ANKFN1: variants seen among roughly 807,000 people sequenced by gnomAD.
ANKFN1 encodes the protein ankyrin repeat and fibronectin type-III domain-containing protein 1.
Under a neutral mutation model 108.7 loss-of-function variants are expected in ANKFN1, and 74 were observed. The observed-to-expected ratio is 0.68, with a 90% CI of 0.56 to 0.83. ANKFN1 has a LOEUF of 0.83. Among genes scored for constraint, ANKFN1 ranks in the 40% least tolerant of loss-of-function variants. ANKFN1 has a pLI of 0.00. For missense variants in ANKFN1, 1,505 were observed against 1,382.3 expected (o/e 1.09, Z -1.41); for synonymous variants, 547 against 516.2 (o/e 1.06, Z -0.81).
intron 1 of ANKFN1, chr17:56,184,944 G>T (rs1329842929): frequency 2.6e-5 from 4 of 152,212 alleles, no homozygotes; most frequent in African/African-American, 9.7e-5. Context: ...CTGCACATGA[G>T]CTAACAGAAG....
At chr17:56,124,857 T>C (rs1906830600) in intron 4 of ANKFN1, among the ~76,000 whole-genome samples, 1 of 152,236 alleles carries the variant, frequency 6.6e-6, no homozygotes, top group South Asian at 2.1e-4. Context: ...CATGCTGTCC[T>C]TGGTTCTCTT....
At chr17:56,504,212 G>A (rs1392596271) in intron 20 of ANKFN1, among the ~76,000 whole-genome samples, 1 of 152,188 alleles carries the variant, frequency 6.6e-6, no homozygotes, top group Non-Finnish European at 1.5e-5. Flanking sequence ...TCCCAAGTGT[G>A]GGTCCATGAA....
At chr17:56,096,918 A>G (rs1450282294) in intron 4 of ANKFN1, among the ~76,000 whole-genome samples, 1 of 152,230 alleles carries the variant, frequency 6.6e-6, no homozygotes, top group African/African-American at 2.4e-5. Context: ...TACACCATGG[A>G]ATACTACGCA....
chr17:56,481,489 AACAC>A (rs57493335), intron 17 of ANKFN1, among the ~76,000 whole-genome samples: 2 of 148,950 alleles, frequency 1.3e-5, no homozygotes, highest in Non-Finnish European at 1.5e-5. Context: ...CCCTCCCCAA[AACAC>A]ACACACACAC....
At chr17:56,223,172 G>C (rs1916005327) in intron 2 of ANKFN1, among the ~76,000 whole-genome samples, 2 of 152,126 alleles carry the variant, frequency 1.3e-5, no homozygotes, top group African/African-American at 4.8e-5. Context: ...ATGGATAAAA[G>C]TTTATATGCT....
At chr17:56,443,882 T>C (rs2049196612) in intron 10 of ANKFN1, among the ~76,000 whole-genome samples, 1 of 152,180 alleles carries the variant, frequency 6.6e-6, no homozygotes, top group Non-Finnish European at 1.5e-5. Context: ...AATGTGAGAG[T>C]TAAAAGTGAT....
At chr17:56,394,345 T>C (rs1487264288) in intron 8 of ANKFN1, among the ~76,000 whole-genome samples, 3 of 152,164 alleles carry the variant, frequency 2.0e-5, no homozygotes. Context: ...ACCAACTTAG[T>C]AGAGCAGCTT....
chr17:56,169,922 T>C (rs939649511), intron 1 of ANKFN1, among the ~76,000 whole-genome samples: 1 of 152,136 alleles, frequency 6.6e-6, no homozygotes, highest in Non-Finnish European at 1.5e-5. Context: ...CTTTGGTCAA[T>C]CTGATGATCT....
intron 4 of ANKFN1, among the ~76,000 whole-genome samples, chr17:56,147,936 C>T (rs1908363031): frequency 6.6e-6 from 1 of 152,304 alleles, no homozygotes; most frequent in Non-Finnish European, 1.5e-5. Context: ...GATCCTTCTT[C>T]TCTGCCAGAT....
chr17:56,424,653 C>T (rs1320708715), intron 8 of ANKFN1, among the ~76,000 whole-genome samples: 1 of 152,168 alleles, frequency 6.6e-6, no homozygotes, highest in Non-Finnish European at 1.5e-5. Flanking sequence ...TATGAATGTA[C>T]ATCTGGCTGG....
rs142191026 is a variant in ANKFN1, at chr17:56,210,688, G to A, written c.-70-1910G>A. ...ATTAGGTAATTTATAAAGAAAAGAG[G>A]TTAATTGACTCAGAGTTCTGCATGT... On this transcript the variant is annotated intron_variant, in intron 1 of 20. Transcript: ENST00000682825. 1.7e-3 allele frequency among the ~76,000 whole-genome samples: 254 copies of A among 152,296 alleles called. 2 individuals are homozygous for A. Among genetic ancestry groups the A allele is most frequent in the African/African-American group, 5.7e-3 (239 of 41,570 alleles).
intron 4 of ANKFN1, among the ~76,000 whole-genome samples, chr17:56,326,868 G>A (rs1037834124): frequency 2.0e-5 from 3 of 152,056 alleles, no homozygotes; most frequent in Non-Finnish European, 2.9e-5. Context: ...GTTCATCCTG[G>A]GTGAGTGTGC....
chr17:56,426,698 AC>A (rs549164570), intron 8 of ANKFN1, among the ~76,000 whole-genome samples: 1 of 152,294 alleles, frequency 6.6e-6, no homozygotes, highest in South Asian at 2.1e-4. Context: ...GAGATGTTTA[AC>A]CTTTCACAGG....
At chr17:56,428,043 G>C (rs998051128) in intron 8 of ANKFN1, among the ~76,000 whole-genome samples, 1 of 151,994 alleles carries the variant, frequency 6.6e-6, no homozygotes, top group Admixed American at 6.6e-5. Flanking sequence ...GACCAGCCTG[G>C]CCAACATGAT....
At chr17:56,129,836 C>T (rs1907171448) in intron 4 of ANKFN1, among the ~76,000 whole-genome samples, 1 of 152,176 alleles carries the variant, frequency 6.6e-6, no homozygotes, top group Non-Finnish European at 1.5e-5. Context: ...TAGAATTCCA[C>T]AACCTAAATG....
rs574343734 is a variant in ANKFN1, at chr17:56,116,047, A to G, written c.288+69722A>G. 2.6e-5 allele frequency among the ~76,000 whole-genome samples: 4 copies of G among 152,318 alleles called. No homozygotes were observed. The South Asian group carries it at 8.3e-4, about 32-fold the overall frequency. ...CCAATATGGGGAATGGAAATCTTTC[A>G]TAACTCAATTCAAACATCACCACCT... On this transcript the variant is annotated intron_variant, in intron 4 of 12. Coordinates refer to the ANKFN1 transcript ENST00000635860.
At chr17:56,123,795 TTGTGTGTGTGTG>T (rs58283151) in intron 4 of ANKFN1, among the ~76,000 whole-genome samples, 1 of 144,708 alleles carries the variant, frequency 6.9e-6, no homozygotes, top group East Asian at 2.1e-4. Flanking sequence ...GCATGACTGA[TTGTGTGTGTGTG>T]TGTGTGTGTG....
intron 19 of ANKFN1, among the ~76,000 whole-genome samples, chr17:56,494,028 A>G (rs1177008089): frequency 1.3e-5 from 2 of 152,224 alleles, no homozygotes; most frequent in African/African-American, 4.8e-5. Flanking sequence ...AATGCCTGGC[A>G]CATAGTAAGT....
At chr17:56,197,189 G>C (rs894742324) in intron 1 of ANKFN1, among the ~76,000 whole-genome samples, 2 of 152,158 alleles carry the variant, frequency 1.3e-5, no homozygotes, top group African/African-American at 2.4e-5. Context: ...AGTCAGCCTT[G>C]TTCTGTTCCA....
Sources: gnomAD v4.1 joint callset for allele counts (sites outside exome capture counted in the v4.1 genomes callset) on GRCh38, gnomAD v4.1.1 for gene constraint, MANE v1.5 for transcripts, NCBI Gene and HGNC (gene_info 2026-07-23, HGNC 2026-07-21) for gene names.